The following POTEE variants were observed in gnomAD, a reference collection of about 807,000 sequenced individuals.
POTEE encodes POTE ankyrin domain family member E.
Under a neutral mutation model 74.2 loss-of-function variants are expected in POTEE, and 21 were observed. That is an observed-to-expected ratio of 0.28 (90% CI 0.20 to 0.41). The LOEUF (loss-of-function observed/expected upper bound fraction) is 0.41. Ranked by LOEUF, POTEE falls within the 10% of genes least tolerant of loss-of-function variation. The pLI is 1.00. For missense variants in POTEE, 525 were observed against 1,158.6 expected (o/e 0.45, Z 7.94); for synonymous variants, 211 against 432.8 (o/e 0.49, Z 6.36).
At chr2:131,220,464 C>G (rs1193781920) in intron 4 of POTEE, among the ~76,000 whole-genome samples, 2 of 151,690 alleles carry the variant, frequency 1.3e-5, no homozygotes, top group Admixed American at 6.6e-5. Flanking sequence ...TTGGCTTCCC[C>G]AAGTGCTGGG....
intron 17 of POTEE, among the ~76,000 whole-genome samples, chr2:131,262,770 T>C (rs1701750035): frequency 6.6e-6 from 1 of 152,288 alleles, no homozygotes; most frequent in East Asian, 1.9e-4. Flanking sequence ...AAGGGTACAG[T>C]GCTTAGATTT....
intron 16 of POTEE, among the ~76,000 whole-genome samples, chr2:131,256,843 A>G (rs1404780559): frequency 1.3e-5 from 2 of 152,284 alleles, no homozygotes; most frequent in Non-Finnish European, 2.9e-5. Flanking sequence ...ACAGAAAGGA[A>G]TTAGGATTGT....
intron 4 of POTEE, among the ~76,000 whole-genome samples, chr2:131,220,653 T>G (rs1416017483): frequency 6.6e-6 from 1 of 152,064 alleles, no homozygotes; most frequent in Non-Finnish European, 1.5e-5. Flanking sequence ...AATACTGTTT[T>G]CTATTTAAGT....
At chr2:131,260,558 T>C (rs1156477654) in intron 16 of POTEE, among the ~76,000 whole-genome samples, 1 of 149,330 alleles carries the variant, frequency 6.7e-6, no homozygotes, top group African/African-American at 2.6e-5. Context: ...TCCTAGGTAC[T>C]TCACACCTTT....
intron 9 of POTEE, among the ~76,000 whole-genome samples, chr2:131,233,593 A>T (rs13392568): frequency 0.13 from 7,286 of 56,058 alleles, 816 homozygotes; most frequent in African/African-American, 0.28. Flanking sequence ...ACTTGTTTTA[A>T]TATGTTGGCC....
In POTEE at chr2:131,218,529, G is replaced by C. The variant is rs760098912; in HGVS notation, c.127G>C (p.Val43Leu). 6.2e-7 allele frequency: 1 copy of C among 1,613,172 alleles called. No individual in the cohort carries two copies. The highest frequency in any genetic ancestry group is 2.2e-5 in the East Asian group (1 of 44,798). Reference sequence around the variant, plus strand: ...CTACAGGGAGAGCGGCAAGAGCAACGTGGGCACTTCTGGAGACCACGACGA... The same window carrying C: ...CTACAGGGAGAGCGGCAAGAGCAACCTGGGCACTTCTGGAGACCACGACGA... ...PCYRESGKSN[V>L]GTSGDHDDSA... Residue 43 changes from valine (V) to leucine (L), a missense_variant, in exon 4 of 18, where the codon GTG becomes CTG. Val to Leu is a conservative substitution (Grantham distance 32). Coordinates refer to ENST00000683005, the MANE Select transcript of POTEE (RefSeq NM_001083538.3).
Position 131,226,897 on chromosome 2 carries a change from A to T in POTEE, c.885A>T (p.Lys295Asn). 6.2e-7 allele frequency: 1 copy of T among 1,611,772 alleles called. No individual in the cohort carries two copies. Among genetic ancestry groups the T allele is most frequent in the Non-Finnish European group, 8.5e-7 (1 of 1,179,654 alleles). ...TCGTGAAATTTTTAATCAAGAAAAAAGCGAATTTAAATGCACTGGATAGAT... is the reference window on the plus strand; with the variant it reads ...TCGTGAAATTTTTAATCAAGAAAAATGCGAATTTAAATGCACTGGATAGAT... ...QQVVKFLIKK[K>N]ANLNALDRYG... Residue 295 changes from lysine to asparagine, a missense_variant, in exon 7 of 18, where the codon AAA becomes AAT. By Grantham distance (94) the Lys-to-Asn change is moderately conservative. Transcript: ENST00000683005.
At chr2:131,236,002 A>G (rs1388454566) in intron 9 of POTEE, among the ~76,000 whole-genome samples, 2 of 152,050 alleles carry the variant, frequency 1.3e-5, no homozygotes, top group African/African-American at 4.8e-5. Context: ...TAGGTTCGCA[A>G]CAGCTCAGCA....
At chr2:131,219,728 C>T (rs533785359) in intron 4 of POTEE, among the ~76,000 whole-genome samples, 2 of 151,074 alleles carry the variant, frequency 1.3e-5, no homozygotes, top group East Asian at 3.9e-4. Flanking sequence ...CAGAGCGAGA[C>T]TCCCTTTCAA....
intron 9 of POTEE, among the ~76,000 whole-genome samples, chr2:131,235,230 A>G (rs1701090523): frequency 1.3e-5 from 2 of 149,942 alleles, no homozygotes; most frequent in South Asian, 4.2e-4. Context: ...CTTTATTTTA[A>G]TTGTTTTTAA....
At position 131,224,016 on chromosome 2, in the gene POTEE, T is replaced by C. The variant is rs370558317; in HGVS notation, c.783T>C (p.Tyr261=). The C allele has an allele frequency of 3.7e-5, 54 of 1,471,884 alleles. 1 individual carries two copies. Among genetic ancestry groups the C allele is most frequent in the African/African-American group, 3.5e-4 (24 of 68,294 alleles). The allele number at this position is 1,471,884 out of a possible 1,614,324, so 91.2% of individuals were successfully genotyped here. ...TAATGGCCAAAGCACTGCTCTTATA[T>C]GGTGCTGATATCGAATCAAAAAACA... ...DKLMAKALLL[Y]GADIESKNKH... is the part of the protein sequence containing the mutation. Residue 261 remains tyrosine, a synonymous_variant, in exon 6 of 18, where the codon TAT becomes TAC. Transcript: ENST00000683005.
intron 6 of POTEE, among the ~76,000 whole-genome samples, chr2:131,225,937 C>T (rs1700771199): frequency 6.6e-6 from 1 of 152,136 alleles, no homozygotes; most frequent in Non-Finnish European, 1.5e-5. Flanking sequence ...CACTGCTGTT[C>T]AGAAGGTCTT....
intron 6 of POTEE, among the ~76,000 whole-genome samples, chr2:131,225,610 A>G (rs1700760153): frequency 7.0e-6 from 1 of 143,338 alleles, no homozygotes; most frequent in East Asian, 2.0e-4. Flanking sequence ...TCTGTTTCCC[A>G]GGCTGGAATG....
chr2:131,225,634 A>G (rs1700760991), intron 6 of POTEE, among the ~76,000 whole-genome samples: 1 of 146,448 alleles, frequency 6.8e-6, no homozygotes, highest in Non-Finnish European at 1.5e-5. Flanking sequence ...TGGTGTGATC[A>G]CAGCTCACTG....
chr2:131,263,760 T>C lies in POTEE; in HGVS notation c.2305T>C (p.Tyr769His). ...QSKRGILTLK[Y>H]PMEHGIITNW... is the part of the protein sequence containing the mutation. ...CAAGAGAGGCATCCTGACCCTGAAG[T>C]ACCCCATGGAACACGGCATCATCAC... is the stretch of plus-strand genomic sequence containing the variant. The change falls in exon 18 of 18, where the codon TAC becomes CAC. Residue 769 changes from tyrosine (Y) to histidine (H), a missense_variant. Coordinates refer to ENST00000683005, the MANE Select transcript of POTEE (RefSeq NM_001083538.3). 6.2e-7 allele frequency: 1 copy of C among 1,612,380 alleles called. No individual in the cohort carries two copies. Among genetic ancestry groups the C allele is most frequent in the East Asian group, 2.2e-5 (1 of 44,860 alleles).
intron 8 of POTEE, chr2:131,229,673 A>C (rs1308188069): frequency 6.6e-6 from 1 of 152,220 alleles, no homozygotes; most frequent in East Asian, 1.9e-4. Flanking sequence ...TGGCTTCTGC[A>C]TAAGGAGGCA....
At chr2:131,212,136 T>C (rs979743062) in intron 2 of POTEE, among the ~76,000 whole-genome samples, 2 of 151,818 alleles carry the variant, frequency 1.3e-5, no homozygotes, top group Admixed American at 1.3e-4. Context: ...TGTGTTGTAT[T>C]TTTAAAATAA....
At chr2:131,213,309 A>G (rs988059012) in intron 2 of POTEE, among the ~76,000 whole-genome samples, 1 of 151,148 alleles carries the variant, frequency 6.6e-6, no homozygotes, top group Non-Finnish European at 1.5e-5. Context: ...GCCCTCTTTT[A>G]TTCCTAGTAT....
chr2:131,211,836 G>T (rs968216243), intron 2 of POTEE, among the ~76,000 whole-genome samples: 1 of 150,078 alleles, frequency 6.7e-6, no homozygotes, highest in African/African-American at 2.5e-5. Context: ...GATTATAGGC[G>T]TGAGCCACCA....
Sources: gnomAD v4.1 joint callset for allele counts (sites outside exome capture counted in the v4.1 genomes callset) on GRCh38, gnomAD v4.1.1 for gene constraint, MANE v1.5 for transcripts, NCBI Gene and HGNC (gene_info 2026-07-23, HGNC 2026-07-21) for gene names.